The following EXOC4 variants were observed in gnomAD, a reference collection of about 807,000 sequenced individuals.
The protein encoded by EXOC4 is exocyst complex component 4.
A neutral mutation model predicts 107.2 loss-of-function variants in EXOC4; 71 were observed. That is an observed-to-expected ratio of 0.66 (90% confidence interval 0.55 to 0.81). The LOEUF is 0.81. Among genes scored for constraint, EXOC4 ranks in the 30% least tolerant of loss-of-function variants. EXOC4 has a pLI of 0.00. For missense variants in EXOC4, 1,108 were observed against 1,189.6 expected (o/e 0.93, Z 1.01); for synonymous variants, 456 against 441.2 (o/e 1.03, Z -0.42).
At chr7:133,817,254 A>G in intron 10 of EXOC4, 71 bp from the exon 11 acceptor site, 1 of 1,046,782 alleles carries the variant, frequency 9.6e-7, no homozygotes, top group Non-Finnish European at 1.5e-6. Flanking sequence ...AGATATACTC[A>G]TGTCCTCATG....
chr7:133,710,874 A>G (rs1383806482), intron 10 of EXOC4, among the ~76,000 whole-genome samples: 1 of 151,598 alleles, frequency 6.6e-6, no homozygotes, highest in Non-Finnish European at 1.5e-5. Flanking sequence ...CCTAAATCAG[A>G]AAACCATGTC....
chr7:133,787,216 G>A (rs1437903528), intron 10 of EXOC4, among the ~76,000 whole-genome samples: 1 of 141,372 alleles, frequency 7.1e-6, no homozygotes, highest in East Asian at 2.0e-4. Flanking sequence ...GCCAAGGATG[G>A]AGTGCAGTGG....
At chr7:134,025,276 G>A (rs920643104) in intron 17 of EXOC4, among the ~76,000 whole-genome samples, 1 of 151,926 alleles carries the variant, frequency 6.6e-6, no homozygotes, top group African/African-American at 2.4e-5. Context: ...CACTTATCTT[G>A]GTCAATTATA....
At chr7:133,611,987 C>T (rs1802084920) in intron 9 of EXOC4, among the ~76,000 whole-genome samples, 1 of 152,148 alleles carries the variant, frequency 6.6e-6, no homozygotes, top group South Asian at 2.1e-4. Flanking sequence ...GTCACACCTA[C>T]CATAGTGCCT....
intron 10 of EXOC4, among the ~76,000 whole-genome samples, chr7:133,687,446 A>C (rs980780507): frequency 5.3e-5 from 8 of 152,192 alleles, no homozygotes; most frequent in African/African-American, 1.4e-4. Context: ...AGAAAAAAAA[A>C]CTGAAACTCA....
chr7:133,834,377 A>T (rs1797873739), intron 11 of EXOC4, among the ~76,000 whole-genome samples: 1 of 152,074 alleles, frequency 6.6e-6, no homozygotes, highest in Non-Finnish European at 1.5e-5. Flanking sequence ...ACCTTATCTT[A>T]AAAAAATCAA....
intron 9 of EXOC4, among the ~76,000 whole-genome samples, chr7:133,484,750 G>A (rs1434910996): frequency 1.3e-5 from 2 of 152,068 alleles, no homozygotes; most frequent in Non-Finnish European, 2.9e-5. Context: ...CATTAGATTA[G>A]CAATGTTGAT....
At chr7:133,848,504 T>C (rs1408497809) in intron 11 of EXOC4, among the ~76,000 whole-genome samples, 1 of 152,248 alleles carries the variant, frequency 6.6e-6, no homozygotes, top group African/African-American at 2.4e-5. Context: ...AGGACAACTG[T>C]GGAAGGTAAT....
At chr7:133,553,667 C>G (rs1276585062) in intron 9 of EXOC4, among the ~76,000 whole-genome samples, 1 of 151,984 alleles carries the variant, frequency 6.6e-6, no homozygotes, top group Non-Finnish European at 1.5e-5. Context: ...TCCTCTTTTG[C>G]CAGGCCTGAT....
At chr7:133,514,005 A>C (rs1240185783) in intron 9 of EXOC4, among the ~76,000 whole-genome samples, 1 of 152,096 alleles carries the variant, frequency 6.6e-6, no homozygotes, top group South Asian at 2.1e-4. Flanking sequence ...TTATTAATTT[A>C]TGTATGTAAT....
intron 7 of EXOC4, among the ~76,000 whole-genome samples, chr7:133,393,981 AG>A (rs1432047620): frequency 6.6e-6 from 1 of 152,216 alleles, no homozygotes; most frequent in African/African-American, 2.4e-5. Context: ...CTCCTAGACC[AG>A]CCTGCACTTA....
chr7:133,737,670 G>A (rs1795472159), intron 10 of EXOC4, among the ~76,000 whole-genome samples: 1 of 152,044 alleles, frequency 6.6e-6, no homozygotes, highest in Non-Finnish European at 1.5e-5. Context: ...CCTTTGTGTA[G>A]CAGATTGTTT....
intron 2 of EXOC4, among the ~76,000 whole-genome samples, chr7:133,287,091 A>T (rs1311263218): frequency 6.6e-6 from 1 of 152,144 alleles, no homozygotes; most frequent in Non-Finnish European, 1.5e-5. Context: ...CTGCTAATTT[A>T]GTTGCCTACT....
chr7:133,274,955 GC>G (rs1793954275), intron 1 of EXOC4, 26 bp from the exon 2 acceptor site: 9 of 1,503,606 alleles, frequency 6.0e-6, no homozygotes, highest in African/African-American at 1.4e-5. Context: ...GTTTTACTTA[GC>G]TTGATATACT....
the EXOC4 span, among the ~76,000 whole-genome samples, chr7:134,094,467 G>A: frequency 9.9e-5 from 15 of 152,114 alleles, no homozygotes; most frequent in African/African-American, 2.9e-4. Context: ...GGATTCATAG[G>A]TGAATTCTAC....
chr7:134,048,896 A>G (rs183484498), intron 17 of EXOC4, among the ~76,000 whole-genome samples: 53 of 152,256 alleles, frequency 3.5e-4, no homozygotes, highest in Admixed American at 3.1e-3. Context: ...AAGTTGCCCA[A>G]CAGTCTGAAG....
chr7:133,418,635 G>A (rs904945371), intron 7 of EXOC4, among the ~76,000 whole-genome samples: 4 of 152,094 alleles, frequency 2.6e-5, no homozygotes, highest in African/African-American at 9.7e-5. Flanking sequence ...AAATATACAC[G>A]ACCCACCTCC....
intron 7 of EXOC4, among the ~76,000 whole-genome samples, chr7:133,463,660 A>G (rs1197573753): frequency 6.6e-6 from 1 of 152,188 alleles, no homozygotes; most frequent in African/African-American, 2.4e-5. Context: ...CTAACTACTA[A>G]TACTCAAGTA....
At chr7:133,887,495 A>C (rs1391490594) in intron 11 of EXOC4, among the ~76,000 whole-genome samples, 1 of 152,178 alleles carries the variant, frequency 6.6e-6, no homozygotes, top group Non-Finnish European at 1.5e-5. Context: ...ACTTGAGAGC[A>C]GTTACACAGT....
Sources: gnomAD v4.1 joint callset for allele counts (sites outside exome capture counted in the v4.1 genomes callset) on GRCh38, gnomAD v4.1.1 for gene constraint, MANE v1.5 for transcripts, NCBI Gene and HGNC (gene_info 2026-07-23, HGNC 2026-07-21) for gene names.